AP4S1: variants seen among roughly 807,000 people sequenced by gnomAD.
AP4S1 encodes AP-4 complex subunit sigma-1.
Under a neutral mutation model 19.8 loss-of-function variants are expected in AP4S1, and 23 were observed. That is an observed-to-expected ratio of 1.16 (90% CI 0.84 to 1.65). The LOEUF (loss-of-function observed/expected upper bound fraction) is 1.65. Ranked by LOEUF, AP4S1 falls within the 40% of genes most tolerant of loss-of-function variation. The pLI, the probability that AP4S1 is intolerant of heterozygous loss-of-function variation, is 0.00. For missense variants in AP4S1, 166 were observed against 172.8 expected, an observed-to-expected ratio of 0.96 and a Z score of 0.22; for synonymous variants, 46 against 54.1, an observed-to-expected ratio of 0.85 and a Z score of 0.66.
intron 1 of AP4S1, among the ~76,000 whole-genome samples, chr14:31,032,437 G>C (rs749982992): frequency 1.3e-5 from 2 of 151,914 alleles, no homozygotes; most frequent in Non-Finnish European, 2.9e-5. Flanking sequence ...CTTCTTATCA[G>C]TTATTACAAT....
rs1489826464 is a variant in AP4S1, at chr14:31,094,802, G to A, written c.*1767G>A. The A allele has an allele frequency of 6.6e-6, 1 of 152,372 alleles. No homozygotes were observed. Among genetic ancestry groups the A allele is most frequent in the African/African-American group, 2.4e-5 (1 of 41,440 alleles). 9.4% of individuals were successfully genotyped at this position (152,372 alleles called of 1,614,324 possible). A position where few individuals can be genotyped will look rare whatever the true frequency, so the allele number is the denominator to read the frequency against. ...GGCCGAGGCAGGCAGATCACTTGAG[G>A]TCAGGAGTTTGAAACCAGCCTGGCC... On this transcript the variant is annotated 3_prime_UTR_variant, in exon 6 of 6. Transcript: ENST00000542754.
rs1888134753 is a variant in AP4S1 at position 31,093,723 on chromosome 14, G to A, written c.*688G>A. 1 of 152,054 alleles carries A rather than the reference G, an allele frequency of 6.6e-6. No homozygotes were observed. The highest frequency in any genetic ancestry group is 1.5e-5 in the Non-Finnish European group (1 of 68,118). 9.4% of individuals were successfully genotyped at this position (152,054 alleles called of 1,614,324 possible). ...AGCCTCCCAGAACGCTGGGATTACAGATGAGCCACAGTGCCTGACTTCTGA... is the reference window on the plus strand; with the variant it reads ...AGCCTCCCAGAACGCTGGGATTACAAATGAGCCACAGTGCCTGACTTCTGA... On this transcript the variant is annotated 3_prime_UTR_variant, in exon 6 of 6. Coordinates refer to ENST00000542754, the MANE Select transcript of AP4S1 (RefSeq NM_001128126.3).
intron 1 of AP4S1, among the ~76,000 whole-genome samples, chr14:31,046,262 A>AT (rs1463335181): frequency 6.6e-6 from 1 of 151,928 alleles, no homozygotes; most frequent in African/African-American, 2.4e-5. Context: ...CAGCCAGAAG[A>AT]TTTTTTAAAT....
chr14:31,088,411 A>T (rs896405440), intron 5 of AP4S1, among the ~76,000 whole-genome samples: 1 of 152,190 alleles, frequency 6.6e-6, no homozygotes, highest in African/African-American at 2.4e-5. Flanking sequence ...TCTGACTTTC[A>T]TATTTAATTT....
intron 1 of AP4S1, among the ~76,000 whole-genome samples, chr14:31,033,189 C>T (rs902113876): frequency 1.3e-5 from 2 of 152,086 alleles, no homozygotes; most frequent in Non-Finnish European, 2.9e-5. Context: ...TTGGGGTGAT[C>T]CAGTCACTCA....
chr14:31,026,294 G>A, intron 1 of AP4S1: 1 of 1,201,068 alleles, frequency 8.3e-7, no homozygotes, highest in Non-Finnish European at 1.1e-6. Flanking sequence ...CCGGGAGAGG[G>A]GCGGGGAAGG....
rs1888148313 is a variant in AP4S1 at position 31,094,255 on chromosome 14, CA to C, written c.*1221del. On this transcript the variant is annotated 3_prime_UTR_variant, in exon 6 of 6. Coordinates refer to ENST00000542754, the MANE Select transcript of AP4S1 (RefSeq NM_001128126.3). ...CTGGACTGCAGTGGCTTTTCACAAGCATGATCATGTTGTACTACAACCTTGA... is the reference window on the plus strand; with the variant it reads ...CTGGACTGCAGTGGCTTTTCACAAGCTGATCATGTTGTACTACAACCTTGA... 1.3e-5 allele frequency: 2 copies of C among 152,898 alleles called. No individual in the cohort carries two copies. The highest frequency in any genetic ancestry group is 1.3e-4 in the Admixed American group (2 of 15,274). The allele number at this position is 152,898 out of a possible 1,614,324, so 9.5% of individuals were successfully genotyped here. A position where few individuals can be genotyped will look rare whatever the true frequency, so the allele number is the denominator to read the frequency against.
At chr14:31,047,497 C>G (rs567642069) in intron 1 of AP4S1, among the ~76,000 whole-genome samples, 1 of 151,148 alleles carries the variant, frequency 6.6e-6, no homozygotes, top group Admixed American at 6.6e-5. Context: ...ACGCCGTTCT[C>G]CTGCCTCAGC....
intron 2 of AP4S1, among the ~76,000 whole-genome samples, chr14:31,067,782 G>A (rs1036595463): frequency 2.0e-5 from 3 of 151,962 alleles, no homozygotes; most frequent in Non-Finnish European, 2.9e-5. Flanking sequence ...GCCTCCTAAA[G>A]TGCTGGAATT....
intron 4 of AP4S1, 147 bp from the exon 5 acceptor site, chr14:31,080,424 CAG>C: frequency 1.5e-6 from 1 of 680,842 alleles, no homozygotes; most frequent in East Asian, 2.7e-5. Flanking sequence ...AGGGCCTTGG[CAG>C]AGTCAGACTG....
At chr14:31,025,888 G>C (rs1376740412) in intron 1 of AP4S1, 101 bp downstream of exon 1, 1 of 1,594,638 alleles carries the variant, frequency 6.3e-7, no homozygotes, top group East Asian at 2.3e-5. Flanking sequence ...CCCGCACACC[G>C]ACCCCAACGA....
chr14:31,071,085 G>A (rs764313448), intron 3 of AP4S1, among the ~76,000 whole-genome samples: 81 of 152,172 alleles, frequency 5.3e-4, no homozygotes, highest in South Asian at 4.1e-4. Context: ...AAAAGCCAGA[G>A]AAAACTCTAA....
intron 1 of AP4S1, among the ~76,000 whole-genome samples, chr14:31,030,287 C>T (rs1050833864): frequency 1.3e-5 from 2 of 152,202 alleles, no homozygotes; most frequent in African/African-American, 4.8e-5. Flanking sequence ...ACTATATTTA[C>T]ACCATCTGTG....
At chr14:31,046,840 C>T (rs1224770176) in intron 1 of AP4S1, among the ~76,000 whole-genome samples, 11 of 137,852 alleles carry the variant, frequency 8.0e-5, no homozygotes, top group Non-Finnish European at 1.1e-4. Context: ...AGCGAGACTC[C>T]GTCTCAAAAA....
chr14:31,056,906 T>C (rs1194238527), intron 1 of AP4S1, among the ~76,000 whole-genome samples: 1 of 152,082 alleles, frequency 6.6e-6, no homozygotes, highest in Non-Finnish European at 1.5e-5. Context: ...AAACCCCGCC[T>C]TTACAAAATA....
intron 1 of AP4S1, chr14:31,026,336 G>A (rs1198292990): frequency 1.3e-6 from 1 of 747,458 alleles, no homozygotes; most frequent in Non-Finnish European, 1.9e-6. Flanking sequence ...GTGGGTCAGA[G>A]CAGGGAGCTG....
chr14:31,039,571 T>C (rs774431053), intron 1 of AP4S1, among the ~76,000 whole-genome samples: 1 of 106,044 alleles, frequency 9.4e-6, no homozygotes, highest in Non-Finnish European at 2.0e-5. Flanking sequence ...GGTGTAGTTT[T>C]GTTTTTTTTT....
intron 1 of AP4S1, among the ~76,000 whole-genome samples, chr14:31,037,485 C>T (rs1884850858): frequency 6.6e-6 from 1 of 152,072 alleles, no homozygotes; most frequent in Non-Finnish European, 1.5e-5. Context: ...GCTCTTTCTC[C>T]TAAAGTGATA....
intron 1 of AP4S1, among the ~76,000 whole-genome samples, chr14:31,044,234 C>T (rs1238450915): frequency 6.6e-6 from 1 of 152,156 alleles, no homozygotes; most frequent in East Asian, 1.9e-4. Context: ...TACTATAACC[C>T]TTCCTTTTCT....
Sources: allele counts gnomAD v4.1 joint callset (sites outside exome capture counted in the v4.1 genomes callset), GRCh38; gene constraint gnomAD v4.1.1; transcripts MANE v1.5; gene names NCBI Gene and HGNC (gene_info 2026-07-23, HGNC 2026-07-21).